The following MAP3K10 variants were observed in gnomAD, a reference collection of about 807,000 sequenced individuals.
MAP3K10 encodes MKN28 derived nonreceptor_type serine/threonine kinase.
MAP3K10 carries 22 observed loss-of-function variants against 75.0 expected under a neutral mutation model. That is an observed-to-expected ratio of 0.29 (90% CI 0.21 to 0.42). The LOEUF (loss-of-function observed/expected upper bound fraction) is 0.42, where lower values mean the gene tolerates loss of function less well. MAP3K10 is among the 10% of genes least tolerant of loss of function. The pLI is 1.00. For synonymous variants in MAP3K10, 599 were observed against 612.9 expected, an observed-to-expected ratio of 0.98 and a Z score of 0.34; for missense variants, 1,165 against 1,379.8, an observed-to-expected ratio of 0.84 and a Z score of 2.47.
In MAP3K10 at chr19:40,215,006, AC is replaced by A; in HGVS notation, c.2584del (p.Gln862ArgfsTer20). 3 of 1,563,426 alleles carry A rather than the reference AC, an allele frequency of 1.9e-6. No individual in the cohort carries two copies. Among genetic ancestry groups the A allele is most frequent in the Non-Finnish European group, 2.6e-6 (3 of 1,147,782 alleles). On this transcript the variant is annotated frameshift_variant, in exon 10 of 10. Coordinates refer to ENST00000253055, the MANE Select transcript of MAP3K10 (RefSeq NM_002446.4). LOFTEE classifies it high-confidence loss of function. ...RDLLDFPRLP[D>X]PQALFPARRR... Reference sequence around the variant, plus strand: ...CTTCTGGACTTCCCCCGCCTGCCCGACCCCCAGGCCCTGTTCCCAGCCCGCC... The same window carrying A: ...CTTCTGGACTTCCCCCGCCTGCCCGACCCCAGGCCCTGTTCCCAGCCCGCC...
Position 40,204,183 on chromosome 19 carries a change from C to T in MAP3K10, c.864-302C>T, listed in dbSNP as rs1196877094. Among the ~76,000 whole-genome samples, 4 of 152,148 alleles carry T rather than the reference C, an allele frequency of 2.6e-5. No individual in the cohort carries two copies. Among genetic ancestry groups the T allele is most frequent in the Non-Finnish European group, 5.9e-5 (4 of 68,030 alleles). On this transcript the variant is annotated intron_variant, in intron 2 of 9. Transcript: ENST00000253055. The surrounding 1 kb of genome is among the most constrained non-coding windows in gnomAD (Gnocchi z 4.3). Reference sequence around the variant, plus strand: ...ACCAGCCTGGGCAACATAGTGAGACCTCCATCTCTACAAAAATAAAAATAA... The same window carrying T: ...ACCAGCCTGGGCAACATAGTGAGACTTCCATCTCTACAAAAATAAAAATAA...
chr19:40,215,568 G>GC lies in MAP3K10; in HGVS notation c.*281dup. On this transcript the variant is annotated 3_prime_UTR_variant, in exon 10 of 10. Transcript: ENST00000253055. ...AAATGGAGCATTAAAGGTAACCCCTGCCCCCTACCGCACTTGATTGTGTTC... is the reference window on the plus strand; with the variant it reads ...AAATGGAGCATTAAAGGTAACCCCTGCCCCCCTACCGCACTTGATTGTGTTC... 2.4e-6 allele frequency: 1 copy of GC among 420,060 alleles called. No homozygotes were observed. The highest frequency in any genetic ancestry group is 4.3e-6 in the Non-Finnish European group (1 of 234,564). The allele number at this position is 420,060 out of a possible 1,614,324, so 26.0% of individuals were successfully genotyped here. A position where few individuals can be genotyped will look rare whatever the true frequency, so the allele number is the denominator to read the frequency against.
Position 40,209,444 on chromosome 19 carries a change from G to A in MAP3K10, c.1552+225G>A, listed in dbSNP as rs372433708. ...TTTTTTTGGAGACAGACAGAGTCTC[G>A]CTCTATCTCCCAGGCTGGAGTGCAG... On this transcript the variant is annotated intron_variant, in intron 6 of 9. Coordinates refer to ENST00000253055, the MANE Select transcript of MAP3K10 (RefSeq NM_002446.4). Among the ~76,000 whole-genome samples, 128 of 146,524 alleles carry A rather than the reference G, an allele frequency of 8.7e-4. 1 individual carries two copies. Among genetic ancestry groups the A allele is most frequent in the African/African-American group, 3.1e-3 (121 of 39,446 alleles).
intron 5 of MAP3K10, among the ~76,000 whole-genome samples, chr19:40,207,894 A>G (rs890949425): frequency 1.3e-5 from 2 of 151,910 alleles, no homozygotes; most frequent in African/African-American, 4.8e-5. Flanking sequence ...AATTTTCATT[A>G]AAAATTTTTT....
chr19:40,211,035 A>C (rs1973228888), intron 6 of MAP3K10, among the ~76,000 whole-genome samples: 1 of 152,118 alleles, frequency 6.6e-6, no homozygotes, highest in African/African-American at 2.4e-5. Context: ...CCCATCACAG[A>C]AGGGTTGCGA....
At position 40,204,713 on chromosome 19, in the gene MAP3K10, C is replaced by T; in HGVS notation, c.1012+80C>T. 6.7e-7 allele frequency: 1 copy of T among 1,492,608 alleles called. No homozygotes were observed. Among genetic ancestry groups the T allele is most frequent in the East Asian group, 2.3e-5 (1 of 43,236 alleles). The allele number at this position is 1,492,608 out of a possible 1,614,324, so 92.5% of individuals were successfully genotyped here. A position where few individuals can be genotyped will look rare whatever the true frequency, so the allele number is the denominator to read the frequency against. ...TGGGCCCAGACCTTTCCCCTTCACA[C>T]CTATCCATACCAGTGGGCCCAGGAG... On this transcript the variant is annotated intron_variant, in intron 3 of 9. Transcript: ENST00000253055. The surrounding 1 kb of genome is among the most constrained non-coding windows in gnomAD (Gnocchi z 4.3).
chr19:40,191,829 CGT>C lies in MAP3K10; in HGVS notation c.-202_-201del. The C allele has an allele frequency of 1.2e-5, 3 of 251,854 alleles. No homozygotes were observed. Among genetic ancestry groups the C allele is most frequent in the Non-Finnish European group, 7.5e-6 (1 of 132,530 alleles). 15.6% of individuals were successfully genotyped at this position (251,854 alleles called of 1,614,324 possible). A position where few individuals can be genotyped will look rare whatever the true frequency, so the allele number is the denominator to read the frequency against. Reference sequence around the variant, plus strand: ...CACTCCCACCCCGCCCCGCCCCGCCCGTACAGCCAAATCGGAAGGGACGAGCC... The same window carrying C: ...CACTCCCACCCCGCCCCGCCCCGCCCACAGCCAAATCGGAAGGGACGAGCC... On this transcript the variant is annotated 5_prime_UTR_variant, in exon 1 of 10. Coordinates refer to ENST00000253055, the MANE Select transcript of MAP3K10 (RefSeq NM_002446.4).
In MAP3K10 at chr19:40,215,212, C is replaced by T. The variant is rs755460900; in HGVS notation, c.2785C>T (p.Pro929Ser). Residue 929 changes from proline (P) to serine (S), a missense_variant, in exon 10 of 10, where the codon CCC (proline) becomes TCC (serine). Pro to Ser is a moderately conservative substitution (Grantham distance 74). This residue lies in a region of MAP3K10 where 590 missense variants were observed against 586.6 expected (regional missense o/e 1.01). Transcript: ENST00000253055. The part of the protein sequence containing the change: ...PESPGPPSVQ[P>S]TLLDMDMEGQ... ...GAGCCCTGGGCCCCCCAGCGTGCAG[C>T]CCACACTGCTGGACATGGACATGGA... 10 of 1,574,648 alleles carry T rather than the reference C, an allele frequency of 6.4e-6. No homozygotes were observed. Among genetic ancestry groups the T allele is most frequent in the South Asian group, 4.6e-5 (4 of 86,362 alleles).
chr19:40,195,353 C>T (rs111512627), intron 1 of MAP3K10, among the ~76,000 whole-genome samples: 7 of 151,550 alleles, frequency 4.6e-5, no homozygotes, highest in African/African-American at 1.2e-4. Context: ...CACAGGGTTT[C>T]GATACAAACA....
chr19:40,194,241 A>G (rs1418409102), intron 1 of MAP3K10, among the ~76,000 whole-genome samples: 1 of 152,088 alleles, frequency 6.6e-6, no homozygotes, highest in Non-Finnish European at 1.5e-5. Flanking sequence ...TGCATCTGTA[A>G]TCCCAGCTAC....
chr19:40,211,704 A>C (rs1973243815), intron 6 of MAP3K10, among the ~76,000 whole-genome samples: 1 of 151,956 alleles, frequency 6.6e-6, no homozygotes, highest in African/African-American at 2.4e-5. Context: ...AAAGGACATG[A>C]TCTCGTTCCT....
chr19:40,199,170 G>GA (rs748130358), intron 2 of MAP3K10, among the ~76,000 whole-genome samples: 127 of 152,290 alleles, frequency 8.3e-4, no homozygotes, highest in Admixed American at 5.3e-3. Flanking sequence ...TGTCAGACAG[G>GA]AAAATGATTA....
chr19:40,197,897 C>G (rs1187880057), intron 1 of MAP3K10, among the ~76,000 whole-genome samples: 1 of 151,952 alleles, frequency 6.6e-6, no homozygotes, highest in Non-Finnish European at 1.5e-5. Context: ...AATGGCAAGA[C>G]CATGGCTCAC....
chr19:40,201,694 G>A (rs1211656574), intron 2 of MAP3K10, among the ~76,000 whole-genome samples: 1 of 151,362 alleles, frequency 6.6e-6, no homozygotes, highest in Non-Finnish European at 1.5e-5. Context: ...TGTTTCCTAC[G>A]CTGGTCTCGA....
At chr19:40,196,584 T>C (rs1428895424) in intron 1 of MAP3K10, among the ~76,000 whole-genome samples, 1 of 152,210 alleles carries the variant, frequency 6.6e-6, no homozygotes, top group Non-Finnish European at 1.5e-5. Flanking sequence ...AGTGGCACGA[T>C]CTCGGCTCAC....
Position 40,205,823 on chromosome 19 carries a change from G to A in MAP3K10, c.1189-88G>A. ...CCACAGCAAGGTACCCTTGTGTGAG[G>A]CACCAACCAGACGCAGCAGCCCTGG... On this transcript the variant is annotated intron_variant, in intron 4 of 9. Coordinates refer to ENST00000253055, the MANE Select transcript of MAP3K10 (RefSeq NM_002446.4). This position sits in a 1 kb window ranked among gnomAD's most constrained non-coding sequence, Gnocchi z 4.3. 2.2e-6 allele frequency: 3 copies of A among 1,371,714 alleles called. No homozygotes were observed. Among genetic ancestry groups the A allele is most frequent in the Non-Finnish European group, 2.9e-6 (3 of 1,039,474 alleles). The allele number at this position is 1,371,714 out of a possible 1,614,324, so 85.0% of individuals were successfully genotyped here.
Position 40,206,115 on chromosome 19 carries a change from C to T in MAP3K10, c.1393C>T (p.Leu465Phe). The T allele has an allele frequency of 1.2e-6, 2 of 1,611,900 alleles. No homozygotes were observed. Among genetic ancestry groups the T allele is most frequent in the South Asian group, 2.2e-5 (2 of 91,004 alleles). The change falls in exon 5 of 10, where the codon CTC becomes TTC. Residue 465 changes from leucine to phenylalanine, a missense_variant. Physicochemically the swap from Leu to Phe is conservative, Grantham distance 22. Transcript: ENST00000253055. ...RKGNFKRSRL[L>F]KLREGGSHIS... ...GGGCAACTTCAAGCGCAGCCGCCTG[C>T]TCAAGCTGCGGGAAGGCGGCAGCCA...
Position 40,214,188 on chromosome 19 carries a change from C to A in MAP3K10, c.2509C>A (p.Arg837=). 1.4e-6 allele frequency: 2 copies of A among 1,454,258 alleles called. No homozygotes were observed. Among genetic ancestry groups the A allele is most frequent in the Middle Eastern group, 2.1e-4 (1 of 4,652 alleles). The allele number at this position is 1,454,258 out of a possible 1,614,324, so 90.1% of individuals were successfully genotyped here. ...GCCATCGGACGGGGCGCTGGGGCAGCGGGGGCCGCCCGAGCCCGCGGGCCA... is the reference window on the plus strand; with the variant it reads ...GCCATCGGACGGGGCGCTGGGGCAGAGGGGGCCGCCCGAGCCCGCGGGCCA... ...RTPSDGALGQ[R]GPPEPAGHGP... Residue 837 remains arginine (R), a synonymous_variant, in exon 9 of 10, where the codon CGG becomes AGG. Coordinates refer to ENST00000253055, the MANE Select transcript of MAP3K10 (RefSeq NM_002446.4).
chr19:40,212,935 C>T lies in MAP3K10; in HGVS notation c.1683C>T (p.Pro561=), dbSNP rs1973267300. The change falls in exon 7 of 10, where the codon CCC becomes CCT. Residue 561 remains proline (P), a synonymous_variant. Coordinates refer to ENST00000253055, the MANE Select transcript of MAP3K10 (RefSeq NM_002446.4). The surrounding 1 kb of genome is among the most constrained non-coding windows in gnomAD (Gnocchi z 4.2). ...AGAAGAAGGGACGAACGTGGGGGCC[C>T]AGCTCCACCCTGCAGAAGGAGCGGG... ...GGKKKGRTWG[P]SSTLQKERVG... 6.2e-7 allele frequency: 1 copy of T among 1,611,720 alleles called. No individual in the cohort carries two copies. Among genetic ancestry groups the T allele is most frequent in the South Asian group, 1.1e-5 (1 of 90,756 alleles).
Sources: allele counts gnomAD v4.1 joint callset (sites outside exome capture counted in the v4.1 genomes callset), GRCh38; gene constraint gnomAD v4.1.1; regional missense constraint gnomAD v4.1.1; non-coding constraint Gnocchi (gnomAD v3.1); transcripts MANE v1.5; gene names NCBI Gene and HGNC (gene_info 2026-07-23, HGNC 2026-07-21).